Variants in PARP1 observed in about 807,000 individuals in gnomAD.
PARP1 encodes poly [ADP-ribose] polymerase 1.
Under a neutral mutation model 118.7 loss-of-function variants are expected in PARP1, and 44 were observed. The ratio of observed to expected loss-of-function variants is 0.37; its 90% CI spans 0.29 to 0.48. PARP1 has a LOEUF of 0.48. Ranked by LOEUF, PARP1 falls within the 20% of genes least tolerant of loss-of-function variation. The probability of loss-of-function intolerance (pLI) is 0.99; values close to 1 mark genes in which losing one functional copy is unlikely to be tolerated. For synonymous variants in PARP1, 492 were observed against 483.2 expected, an observed-to-expected ratio of 1.02 and a Z score of -0.24; for missense variants, 1,100 against 1,272.4, an observed-to-expected ratio of 0.86 and a Z score of 2.06.
intron 17 of PARP1, 58 bp from the exon 18 acceptor site, chr1:226,366,110 G>A: frequency 8.8e-7 from 1 of 1,142,442 alleles, no homozygotes; most frequent in Non-Finnish European, 1.3e-6. Context: ...CTACAGAGGA[G>A]GAATGCTCAG....
At chr1:226,362,183 T>TA in intron 21 of PARP1, 100 bp from the exon 22 acceptor site, 3 of 710,758 alleles carry the variant, frequency 4.2e-6, no homozygotes, top group Non-Finnish European at 5.0e-6. Flanking sequence ...ATGTGGTCTT[T>TA]CTTTTTTTTT....
chr1:226,398,996 T>C (rs986828666), intron 2 of PARP1, among the ~76,000 whole-genome samples: 1 of 151,800 alleles, frequency 6.6e-6, no homozygotes, highest in Non-Finnish European at 1.5e-5. Context: ...ATAAACAAAC[T>C]GTGGTAATCC....
At chr1:226,407,414 T>C (rs890655396) in intron 1 of PARP1, among the ~76,000 whole-genome samples, 10 of 149,002 alleles carry the variant, frequency 6.7e-5, no homozygotes, top group African/African-American at 2.0e-4. Flanking sequence ...CCACCATCCA[T>C]GTAGAACAAA....
chr1:226,406,436 T>C (rs1665148969), intron 1 of PARP1, among the ~76,000 whole-genome samples: 1 of 152,196 alleles, frequency 6.6e-6, no homozygotes, highest in Non-Finnish European at 1.5e-5. Flanking sequence ...GCTCTTCAAA[T>C]TGTAGGCCCT....
chr1:226,385,260 T>C (rs1664692581), intron 7 of PARP1, among the ~76,000 whole-genome samples: 1 of 152,234 alleles, frequency 6.6e-6, no homozygotes, highest in South Asian at 2.1e-4. Context: ...AAACTATTCA[T>C]GGTCTTTGCA....
intron 1 of PARP1, among the ~76,000 whole-genome samples, chr1:226,407,492 C>A (rs1391734864): frequency 6.6e-6 from 1 of 152,104 alleles, no homozygotes; most frequent in East Asian, 1.9e-4. Context: ...TCCCCCCCAA[C>A]CCCTGAGGCG....
At chr1:226,377,360 G>A in intron 12 of PARP1, 57 bp from the exon 13 acceptor site, 3 of 1,349,860 alleles carry the variant, frequency 2.2e-6, no homozygotes, top group Non-Finnish European at 3.2e-6. Flanking sequence ...TCCCATTTCA[G>A]GAGCTCCCCT....
intron 2 of PARP1, among the ~76,000 whole-genome samples, chr1:226,395,787 G>A (rs897003079): frequency 3.3e-5 from 5 of 152,154 alleles, no homozygotes; most frequent in African/African-American, 1.2e-4. Context: ...CAACACGGAC[G>A]AACCCAGAAG....
chr1:226,381,410 G>C lies in PARP1; in HGVS notation c.1160-202C>G, dbSNP rs1426276840. Among the ~76,000 whole-genome samples the C allele has an allele frequency of 8.5e-5, 13 of 152,328 alleles. No individual in the cohort carries two copies. The East Asian group carries it at 2.1e-3, about 25-fold the overall frequency. On this transcript the variant is annotated intron_variant, in intron 8 of 22. Coordinates refer to ENST00000366794, the MANE Select transcript of PARP1 (RefSeq NM_001618.4). ...CTCAGCACAGAAAGGACTGGGCAGG[G>C]AGCAAGCCACAAAATGCCACTCCAT... is the stretch of plus-strand genomic sequence containing the variant.
At chr1:226,368,130 A>T in intron 16 of PARP1, 69 bp downstream of exon 16, 1 of 1,600,654 alleles carries the variant, frequency 6.2e-7, no homozygotes, top group Non-Finnish European at 8.5e-7. Flanking sequence ...CATGATGGGG[A>T]GGGACGGCTG....
At chr1:226,385,359 T>C (rs1008991886) in intron 7 of PARP1, 145 bp downstream of exon 7, 3 of 731,830 alleles carry the variant, frequency 4.1e-6, no homozygotes, top group African/African-American at 1.7e-5. Context: ...TGTAATTTTA[T>C]ATTCTGGTAA....
At chr1:226,363,505 C>T (rs1179146457) in intron 20 of PARP1, among the ~76,000 whole-genome samples, 1 of 152,230 alleles carries the variant, frequency 6.6e-6, no homozygotes, top group Admixed American at 6.5e-5. Flanking sequence ...TTACAGTTCA[C>T]AGGACTAGGG....
intron 5 of PARP1, among the ~76,000 whole-genome samples, chr1:226,388,409 C>G (rs1233638649): frequency 6.6e-6 from 1 of 152,242 alleles, no homozygotes; most frequent in Non-Finnish European, 1.5e-5. Flanking sequence ...ACAGAGCACT[C>G]AGCCCTTGCT....
At chr1:226,377,006 A>G in intron 13 of PARP1, 102 bp downstream of exon 13, 2 of 996,100 alleles carry the variant, frequency 2.0e-6, no homozygotes, top group East Asian at 2.4e-5. Flanking sequence ...ATTTGGTAGT[A>G]TGTTTACTAT....
intron 7 of PARP1, among the ~76,000 whole-genome samples, chr1:226,384,230 C>G (rs1011538475): frequency 6.6e-6 from 1 of 152,156 alleles, no homozygotes; most frequent in Admixed American, 6.5e-5. Flanking sequence ...CTAGGTACTC[C>G]TAAAAAGAAT....
intron 13 of PARP1, 107 bp from the exon 14 acceptor site, chr1:226,374,461 C>A (rs1286546863): frequency 1.5e-6 from 2 of 1,348,248 alleles, no homozygotes; most frequent in Non-Finnish European, 2.1e-6. Context: ...TAGAGTGCCA[C>A]CAGCAAAAAA....
chr1:226,386,573 G>C, intron 5 of PARP1, 131 bp from the exon 6 acceptor site: 1 of 762,434 alleles, frequency 1.3e-6, no homozygotes. Context: ...TGCAAATCTG[G>C]GTGATTAGCA....
intron 14 of PARP1, chr1:226,370,803 C>T (rs979759345): frequency 1.1e-5 from 5 of 463,658 alleles, no homozygotes; most frequent in Admixed American, 6.6e-5. Flanking sequence ...CACGTCTGGA[C>T]GAAGATATAG....
chr1:226,369,870 C>A (rs1487886805), intron 15 of PARP1, among the ~76,000 whole-genome samples: 1 of 151,916 alleles, frequency 6.6e-6, no homozygotes, highest in African/African-American at 2.4e-5. Context: ...GGCACGAGAA[C>A]CGCTTGAACC....
Sources: allele counts gnomAD v4.1 joint callset (sites outside exome capture counted in the v4.1 genomes callset), GRCh38; gene constraint gnomAD v4.1.1; transcripts MANE v1.5; gene names NCBI Gene and HGNC (gene_info 2026-07-23, HGNC 2026-07-21).